The following CEP89 variants were observed in gnomAD, a reference collection of about 807,000 sequenced individuals.
CEP89 encodes the protein centrosomal protein 89, also known as centrosomal protein of 89 kDa.
Under a neutral mutation model 97.6 loss-of-function variants are expected in CEP89, and 95 were observed. The observed-to-expected ratio is 0.97, with a 90% CI of 0.82 to 1.15. The LOEUF (loss-of-function observed/expected upper bound fraction) is 1.15. CEP89 is among the 50% of genes most tolerant of loss of function. The pLI is 0.00. For synonymous variants in CEP89, 354 were observed against 349.1 expected (o/e 1.01, Z -0.16); for missense variants, 869 against 947.7 (o/e 0.92, Z 1.09).
chr19:32,967,878 A>T (rs1171960636), intron 1 of CEP89, among the ~76,000 whole-genome samples: 2 of 152,158 alleles, frequency 1.3e-5, no homozygotes, highest in Non-Finnish European at 2.9e-5. Context: ...GGTGGGGACA[A>T]TTCCCATGGG....
intron 14 of CEP89, 104 bp from the exon 15 acceptor site, chr19:32,901,516 C>T (rs180686100): frequency 5.4e-4 from 646 of 1,194,562 alleles, no homozygotes; most frequent in Non-Finnish European, 6.3e-4. Flanking sequence ...CCCTCCAGCC[C>T]CTGGGTGGGT....
intron 16 of CEP89, among the ~76,000 whole-genome samples, chr19:32,891,955 T>G (rs1402322608): frequency 6.6e-6 from 1 of 151,330 alleles, no homozygotes; most frequent in African/African-American, 2.4e-5. Flanking sequence ...AAAAACCTAC[T>G]CAACAAAATA....
At position 32,885,113 on chromosome 19, in the gene CEP89, C is replaced by T. The variant is rs114724049; in HGVS notation, c.1965+2639G>A. Among the ~76,000 whole-genome samples, 649 of 152,262 alleles carry T rather than the reference C, an allele frequency of 4.3e-3. 1 individual carries two copies. The highest frequency in any genetic ancestry group is 0.015 in the African/African-American group (629 of 41,546). On this transcript the variant is annotated intron_variant, in intron 17 of 18. Coordinates refer to ENST00000305768, the MANE Select transcript of CEP89 (RefSeq NM_032816.5). ...GATATCCCTTGACTCTTATTACCTA[C>T]GAAGAAATCAGCAAGTGCAATCTAC...
At chr19:32,912,913 G>A (rs1335691134) in intron 14 of CEP89, among the ~76,000 whole-genome samples, 1 of 151,126 alleles carries the variant, frequency 6.6e-6, no homozygotes, top group African/African-American at 2.4e-5. Context: ...GAGGTGGTGG[G>A]CGCCTGTAGT....
intron 2 of CEP89, chr19:32,965,962 G>A (rs1472390087): frequency 1.3e-5 from 2 of 152,534 alleles, no homozygotes; most frequent in African/African-American, 2.4e-5. Flanking sequence ...AGGCTGCAGT[G>A]AGCCAAGATT....
At chr19:32,916,982 T>C (rs944082213) in intron 13 of CEP89, among the ~76,000 whole-genome samples, 1 of 152,134 alleles carries the variant, frequency 6.6e-6, no homozygotes, top group African/African-American at 2.4e-5. Context: ...CACTCCAGTC[T>C]GGGCGACAGA....
intron 1 of CEP89, chr19:32,969,431 G>C (rs1302059638): frequency 1.3e-5 from 2 of 152,232 alleles, no homozygotes; most frequent in Non-Finnish European, 2.9e-5. Flanking sequence ...CCTGGCCTGA[G>C]GGTGGGGCCT....
intron 14 of CEP89, among the ~76,000 whole-genome samples, chr19:32,912,730 C>G (rs1005885195): frequency 6.6e-6 from 1 of 152,036 alleles, no homozygotes; most frequent in Non-Finnish European, 1.5e-5. Context: ...TATAGCTACA[C>G]ACATATAATT....
Position 32,951,530 on chromosome 19 carries a change from T to TAC in CEP89, c.492+2084_492+2085insGT, listed in dbSNP as rs1161229765. Among the ~76,000 whole-genome samples, 451 of 107,392 alleles carry TAC rather than the reference T, an allele frequency of 4.2e-3. 2 individuals are homozygous for TAC. The highest frequency in any genetic ancestry group is 0.014 in the Middle Eastern group (3 of 218). 70.5% of individuals were successfully genotyped at this position (107,392 alleles called of 152,430 possible). ...AAAAAATTATATATATATATATATA[T>TAC]ATATACACACACACACACACACACA... is the stretch of plus-strand genomic sequence containing the variant. On this transcript the variant is annotated intron_variant, in intron 4 of 18. Transcript: ENST00000305768.
At chr19:32,905,321 T>C (rs6510304) in intron 14 of CEP89, among the ~76,000 whole-genome samples, 137,361 of 152,230 alleles carry the variant, frequency 0.9, 62,154 homozygotes, top group African/African-American at 0.98. Flanking sequence ...CTTTCTTATA[T>C]GATCACTGTT....
rs558900341 is a variant in CEP89, at chr19:32,905,466, C to T, written c.1566-4054G>A. ...TTGTAGAGCTCTCTAGTGAAGGTAT[C>T]CAGGCCTGGAGTTTTCAAAGGAAGA... On this transcript the variant is annotated intron_variant, in intron 14 of 18. Coordinates refer to ENST00000305768, the MANE Select transcript of CEP89 (RefSeq NM_032816.5). Among the ~76,000 whole-genome samples the T allele has an allele frequency of 1.3e-4, 19 of 148,448 alleles. No individual in the cohort carries two copies. In the South Asian group the frequency reaches 1.3e-3, roughly 10 times the overall value.
chr19:32,886,959 T>C (rs1040791088), intron 17 of CEP89, among the ~76,000 whole-genome samples: 15 of 146,568 alleles, frequency 1.0e-4, no homozygotes, highest in Admixed American at 5.5e-4. Context: ...GCAGATCACT[T>C]GAGCTCAGAA....
intron 4 of CEP89, among the ~76,000 whole-genome samples, chr19:32,949,200 A>G (rs544668219): frequency 5.5e-4 from 83 of 152,204 alleles, no homozygotes; most frequent in Non-Finnish European, 1.1e-3. Context: ...CATGTTAGCT[A>G]TATAGGAGCT....
rs1406045449 is a variant in CEP89, at chr19:32,876,093, C to G, written c.*3069G>C. The stretch of plus-strand genomic sequence containing the variant: ...CTGCTTTGTCCACTGTCTCCATTTC[C>G]CCAGGGCTGCTTTTACTTTTTATTG... On this transcript the variant is annotated 3_prime_UTR_variant, in exon 19 of 19. Transcript: ENST00000305768. 1 of 152,614 alleles carries G rather than the reference C, an allele frequency of 6.6e-6. No individual in the cohort carries two copies. Among genetic ancestry groups the G allele is most frequent in the Non-Finnish European group, 1.5e-5 (1 of 68,446 alleles). 9.5% of individuals were successfully genotyped at this position (152,614 alleles called of 1,614,324 possible).
At position 32,923,525 on chromosome 19, in the gene CEP89, A is replaced by G; in HGVS notation, c.1182T>C (p.Phe394=). The change falls in exon 12 of 19, where the codon TTT becomes TTC. Residue 394 remains phenylalanine, a synonymous_variant. Transcript: ENST00000305768. ...TCACCACTTCTTGGACTCGCATCCT[A>G]AACATTCTCATTTCCTCCTGAAATA... ...NATLKEEMRM[F]RMRVQEVVKE... 2 of 1,595,820 alleles carry G rather than the reference A, an allele frequency of 1.3e-6. No homozygotes were observed. Among genetic ancestry groups the G allele is most frequent in the Non-Finnish European group, 1.7e-6 (2 of 1,163,840 alleles).
chr19:32,952,678 C>A (rs1018547595), intron 4 of CEP89, among the ~76,000 whole-genome samples: 1 of 151,452 alleles, frequency 6.6e-6, no homozygotes, highest in Non-Finnish European at 1.5e-5. Flanking sequence ...CTGAGGCAGG[C>A]GGATCGCTTG....
intron 14 of CEP89, among the ~76,000 whole-genome samples, chr19:32,909,076 G>A (rs1011628580): frequency 4.6e-5 from 7 of 152,212 alleles, no homozygotes; most frequent in African/African-American, 1.7e-4. Context: ...AGTTGGCTTT[G>A]GATTGGACTG....
intron 2 of CEP89, chr19:32,963,636 A>G (rs74784672): frequency 6.6e-6 from 1 of 152,122 alleles, no homozygotes; most frequent in Admixed American, 6.6e-5. Flanking sequence ...ACACAAAGAG[A>G]TCTGGAAATT....
Position 32,889,594 on chromosome 19 carries a change from G to T in CEP89, c.1876-1753C>A, listed in dbSNP as rs11670101. ...TTCCATCCTGGGCCCACAAATATTG[G>T]GGGTGGGCCGAGAGGAGAGTGTCTG... is the stretch of plus-strand genomic sequence containing the variant. On this transcript the variant is annotated intron_variant, in intron 16 of 18. Coordinates refer to ENST00000305768, the MANE Select transcript of CEP89 (RefSeq NM_032816.5). Among the ~76,000 whole-genome samples, 1,325 of 152,264 alleles carry T rather than the reference G, an allele frequency of 8.7e-3. 39 individuals are homozygous for T. The East Asian group carries it at 0.1, about 12-fold the overall frequency.
Sources: allele counts gnomAD v4.1 joint callset (sites outside exome capture counted in the v4.1 genomes callset), GRCh38; gene constraint gnomAD v4.1.1; transcripts MANE v1.5; gene names NCBI Gene and HGNC (gene_info 2026-07-23, HGNC 2026-07-21).